GADL1: variants seen among roughly 807,000 people sequenced by gnomAD.
GADL1 encodes acidic amino acid decarboxylase GADL1.
GADL1 carries 71 observed loss-of-function variants against 69.5 expected under a neutral mutation model. The ratio of observed to expected loss-of-function variants is 1.02; its 90% CI spans 0.84 to 1.25. The LOEUF (loss-of-function observed/expected upper bound fraction) is 1.25. Among genes scored for constraint, GADL1 ranks in the 50% most tolerant of loss-of-function variants. GADL1 has a pLI of 0.00. For synonymous variants in GADL1, 254 were observed against 214.4 expected (o/e 1.18, Z -1.62); for missense variants, 737 against 631.8 (o/e 1.17, Z -1.79).
intron 12 of GADL1, among the ~76,000 whole-genome samples, chr3:30,791,736 G>C (rs1417580781): frequency 6.6e-6 from 1 of 152,070 alleles, no homozygotes; most frequent in Admixed American, 6.6e-5. Context: ...TCACTCAAAC[G>C]TCATCTTGAA....
chr3:30,872,401 G>A (rs538108314), intron 1 of GADL1, among the ~76,000 whole-genome samples: 72 of 151,894 alleles, frequency 4.7e-4, no homozygotes, highest in Non-Finnish European at 8.4e-4. Flanking sequence ...CTGACATCTT[G>A]GCTGTTTGTC....
At chr3:30,737,568 C>T (rs1040893042) in intron 14 of GADL1, among the ~76,000 whole-genome samples, 1 of 152,116 alleles carries the variant, frequency 6.6e-6, no homozygotes, top group Non-Finnish European at 1.5e-5. Flanking sequence ...TACAACCTTA[C>T]TCATTTCCCC....
chr3:30,757,375 C>G (rs1559489608), intron 14 of GADL1, among the ~76,000 whole-genome samples: 1 of 152,038 alleles, frequency 6.6e-6, no homozygotes, highest in African/African-American at 2.4e-5. Context: ...AGATCAGAGG[C>G]TAGATCATCA....
chr3:30,743,006 T>C (rs998384311), intron 14 of GADL1, among the ~76,000 whole-genome samples: 26 of 152,132 alleles, frequency 1.7e-4, no homozygotes, highest in African/African-American at 5.3e-4. Flanking sequence ...CATGATCTTG[T>C]ATGCTACACC....
intron 14 of GADL1, among the ~76,000 whole-genome samples, chr3:30,740,560 G>A (rs1160606809): frequency 3.3e-5 from 5 of 151,980 alleles, no homozygotes; most frequent in East Asian, 1.9e-4. Context: ...CTCTACGTAC[G>A]TCCTAAAGCA....
At chr3:30,733,298 C>CAGATG (rs1695491813) in intron 14 of GADL1, among the ~76,000 whole-genome samples, 1 of 152,134 alleles carries the variant, frequency 6.6e-6, no homozygotes, top group Admixed American at 6.5e-5. Flanking sequence ...ACTGGTGACA[C>CAGATG]AGATGGGTTG....
chr3:30,783,811 C>A (rs1409595374), intron 13 of GADL1, among the ~76,000 whole-genome samples: 1 of 152,148 alleles, frequency 6.6e-6, no homozygotes, highest in Admixed American at 6.6e-5. Context: ...GCTTTCATTG[C>A]AAGGACATGA....
chr3:30,748,662 T>C (rs1381048), intron 14 of GADL1, among the ~76,000 whole-genome samples: 36,675 of 152,144 alleles, frequency 0.24, 4,794 homozygotes, highest in Non-Finnish European at 0.29. Flanking sequence ...GCTTTTATCG[T>C]CAGAAAATCG....
chr3:30,734,751 T>C (rs1412905604), intron 14 of GADL1, among the ~76,000 whole-genome samples: 1 of 152,178 alleles, frequency 6.6e-6, no homozygotes, highest in Non-Finnish European at 1.5e-5. Context: ...GAGTAATTTG[T>C]CTCTTCTCCC....
intron 11 of GADL1, among the ~76,000 whole-genome samples, chr3:30,806,763 AC>A (rs1420518946): frequency 1.3e-5 from 2 of 152,212 alleles, no homozygotes; most frequent in East Asian, 3.8e-4. Context: ...AGATGAGAGA[AC>A]AGAACTAATT....
At chr3:30,836,742 G>GAA (rs1297149839) in intron 9 of GADL1, among the ~76,000 whole-genome samples, 4 of 139,474 alleles carry the variant, frequency 2.9e-5, no homozygotes, top group Non-Finnish European at 4.6e-5. Flanking sequence ...ATGGGTGAGA[G>GAA]AATAGGAAGC....
chr3:30,779,327 A>G (rs1228607561), intron 13 of GADL1, among the ~76,000 whole-genome samples: 16 of 152,236 alleles, frequency 1.1e-4, no homozygotes, highest in Admixed American at 1.0e-3. Flanking sequence ...ATTTTCTGCC[A>G]TAAACAGTTT....
intron 14 of GADL1, among the ~76,000 whole-genome samples, chr3:30,753,495 A>AG (rs1322095212): frequency 7.7e-6 from 1 of 129,398 alleles, no homozygotes; most frequent in Non-Finnish European, 1.6e-5. Context: ...ACCAAATTTA[A>AG]GGAAGGATAG....
intron 5 of GADL1, 137 bp from the exon 6 acceptor site, chr3:30,850,248 G>A (rs1025748594): frequency 1.5e-5 from 10 of 649,608 alleles, no homozygotes; most frequent in East Asian, 5.6e-5. Context: ...CATGAACACC[G>A]ACCTCCCTGC....
chr3:30,845,253 C>G (rs941476153), intron 6 of GADL1, among the ~76,000 whole-genome samples: 1 of 152,114 alleles, frequency 6.6e-6, no homozygotes, highest in African/African-American at 2.4e-5. Flanking sequence ...GTAGTGTGTG[C>G]TTTACATTAT....
At chr3:30,751,279 T>C (rs1409939361) in intron 14 of GADL1, among the ~76,000 whole-genome samples, 2 of 151,200 alleles carry the variant, frequency 1.3e-5, no homozygotes, top group South Asian at 2.1e-4. Flanking sequence ...ACGTGGGGGG[T>C]GTTGCCAATT....
intron 1 of GADL1, among the ~76,000 whole-genome samples, chr3:30,877,146 G>T (rs997623668): frequency 2.0e-5 from 3 of 151,856 alleles, no homozygotes; most frequent in African/African-American, 7.2e-5. Flanking sequence ...GATCAGAGAG[G>T]TTAGTTAACT....
At chr3:30,730,825 G>A (rs1695446060) in intron 14 of GADL1, among the ~76,000 whole-genome samples, 1 of 152,170 alleles carries the variant, frequency 6.6e-6, no homozygotes, top group South Asian at 2.1e-4. Flanking sequence ...TCGTGCATAT[G>A]TGGATATAAA....
At chr3:30,802,729 C>T (rs927612783) in intron 11 of GADL1, among the ~76,000 whole-genome samples, 1 of 152,130 alleles carries the variant, frequency 6.6e-6, no homozygotes, top group Non-Finnish European at 1.5e-5. Context: ...TGATTTTATA[C>T]TACAGAGAAA....
Sources: gnomAD v4.1 joint callset for allele counts (sites outside exome capture counted in the v4.1 genomes callset) on GRCh38, gnomAD v4.1.1 for gene constraint, MANE v1.5 for transcripts, NCBI Gene and HGNC (gene_info 2026-07-23, HGNC 2026-07-21) for gene names.